The following TMCO5A variants were observed in gnomAD, a reference collection of about 807,000 sequenced individuals.
The protein encoded by TMCO5A is transmembrane and coiled-coil domain-containing protein 5A.
TMCO5A carries 34 observed loss-of-function variants against 42.3 expected under a neutral mutation model. That is an observed-to-expected ratio of 0.80 (90% CI 0.61 to 1.07). TMCO5A has a LOEUF of 1.07. Among genes scored for constraint, TMCO5A ranks in the 50% least tolerant of loss-of-function variants. The pLI, the probability that TMCO5A is intolerant of heterozygous loss-of-function variation, is 0.00. For missense variants in TMCO5A, 357 were observed against 327.9 expected (o/e 1.09, Z -0.69); for synonymous variants, 131 against 115.6 (o/e 1.13, Z -0.86).
At chr15:37,995,665 C>G in the TMCO5A span, among the ~76,000 whole-genome samples, 2 of 152,186 alleles carry the variant, frequency 1.3e-5, no homozygotes, top group Non-Finnish European at 2.9e-5. Context: ...GCAGTTCAGT[C>G]AGTCATTTTG....
At chr15:38,010,433 A>T in the TMCO5A span, among the ~76,000 whole-genome samples, 39 of 147,868 alleles carry the variant, frequency 2.6e-4, no homozygotes, top group Middle Eastern at 3.5e-3. Context: ...GATCACACAC[A>T]CACACACACA....
At chr15:37,985,640 T>C in the TMCO5A span, among the ~76,000 whole-genome samples, 1 of 152,202 alleles carries the variant, frequency 6.6e-6, no homozygotes, top group Non-Finnish European at 1.5e-5. Context: ...CAGAGAACCA[T>C]GAAAACAAAT....
At chr15:37,942,499 A>G in intron 9 of TMCO5A, 1 of 418,678 alleles carries the variant, frequency 2.4e-6, no homozygotes, top group Non-Finnish European at 4.3e-6. Context: ...TTATCACATT[A>G]TCACATTATT....
At chr15:37,983,816 C>A in the TMCO5A span, among the ~76,000 whole-genome samples, 8 of 151,658 alleles carry the variant, frequency 5.3e-5, no homozygotes, top group African/African-American at 1.9e-4. Context: ...CCTCCGCTTC[C>A]CAGATTCAAG....
the TMCO5A span, among the ~76,000 whole-genome samples, chr15:37,973,731 C>T: frequency 6.6e-6 from 1 of 152,290 alleles, no homozygotes; most frequent in Non-Finnish European, 1.5e-5. Context: ...GTTTGACTTC[C>T]TCTCTTCCTA....
At chr15:38,012,126 A>AAAAAAAAAAAAAG in the TMCO5A span, among the ~76,000 whole-genome samples, 1 of 150,390 alleles carries the variant, frequency 6.6e-6, no homozygotes, top group African/African-American at 2.4e-5. Context: ...TCCGTCTCAA[A>AAAAAAAAAAAAAG]AAAAAAAGAA....
At chr15:37,937,610 G>A (rs61200068) in intron 5 of TMCO5A, among the ~76,000 whole-genome samples, 2,923 of 152,142 alleles carry the variant, frequency 0.019, 105 homozygotes, top group African/African-American at 0.068. Context: ...AGGAATGGAT[G>A]GAATATTTAG....
the TMCO5A span, among the ~76,000 whole-genome samples, chr15:38,022,349 T>A: frequency 3.9e-5 from 6 of 152,140 alleles, no homozygotes; most frequent in Non-Finnish European, 5.9e-5. Context: ...AGAAAAGACA[T>A]GGAGGAAACC....
the TMCO5A span, among the ~76,000 whole-genome samples, chr15:38,028,436 C>T: frequency 6.6e-6 from 1 of 152,182 alleles, no homozygotes; most frequent in Non-Finnish European, 1.5e-5. Context: ...TCTCAAGGCT[C>T]ATTATATGGC....
At chr15:37,936,133 C>T (rs765552900) in intron 2 of TMCO5A, 181 bp from the exon 3 acceptor site, 20 of 606,690 alleles carry the variant, frequency 3.3e-5, no homozygotes, top group Middle Eastern at 4.8e-4. Context: ...GACTGAGCTG[C>T]GAATTATCGA....
chr15:38,039,113 G>A, the TMCO5A span, among the ~76,000 whole-genome samples: 1 of 152,138 alleles, frequency 6.6e-6, no homozygotes, highest in Non-Finnish European at 1.5e-5. Context: ...TGGAAAAAAT[G>A]CAGGTTTTAA....
the TMCO5A span, among the ~76,000 whole-genome samples, chr15:38,030,723 A>C: frequency 1.3e-5 from 2 of 152,166 alleles, no homozygotes; most frequent in East Asian, 3.9e-4. Context: ...AGAAATGTTG[A>C]ACTACTTGCA....
rs989677154 is a variant in TMCO5A, at chr15:37,941,324, G to T, written c.444+119G>T. On this transcript the variant is annotated intron_variant, in intron 7 of 11. Coordinates refer to ENST00000319669, the MANE Select transcript of TMCO5A (RefSeq NM_152453.4). ...AGGTTCCAGATCCAAGACCATGATG[G>T]GGCTAGGGAGGGGTAAAGAAAAGGA... 9.2e-6 allele frequency: 9 copies of T among 978,262 alleles called. No homozygotes were observed. In the Admixed American group the frequency reaches 2.0e-4, roughly 22 times the overall value. 60.6% of individuals were successfully genotyped at this position (978,262 alleles called of 1,614,324 possible).
chr15:37,944,913 G>A (rs979880711), intron 10 of TMCO5A, among the ~76,000 whole-genome samples: 1 of 152,026 alleles, frequency 6.6e-6, no homozygotes, highest in East Asian at 1.9e-4. Flanking sequence ...GGATGTGCAG[G>A]TTTGTTACAT....
downstream of TMCO5A, among the ~76,000 whole-genome samples, chr15:37,972,701 C>T (rs564086985): frequency 3.3e-5 from 5 of 152,150 alleles, no homozygotes; most frequent in South Asian, 8.3e-4. Context: ...GGATATATAG[C>T]TTGCATATAT....
At chr15:38,011,163 C>G in the TMCO5A span, among the ~76,000 whole-genome samples, 1 of 152,190 alleles carries the variant, frequency 6.6e-6, no homozygotes, top group Non-Finnish European at 1.5e-5. Context: ...GTCTGTCCCT[C>G]AAGGTGTCTC....
At position 37,942,259 on chromosome 15, in the gene TMCO5A, A is replaced by T. The variant is rs377271682; in HGVS notation, c.569+4A>T. The T allele has an allele frequency of 8.1e-6, 13 of 1,612,284 alleles. No homozygotes were observed. The highest frequency in any genetic ancestry group is 1.1e-5 in the Non-Finnish European group (13 of 1,178,996). On this transcript the variant is annotated splice_donor_region_variant and intron_variant, in intron 9 of 11. Coordinates refer to ENST00000319669, the MANE Select transcript of TMCO5A (RefSeq NM_152453.4). ...CTCTGTTCCTTGAGAGAGAAGTGTG[A>T]GCTTTGGCAAAGGAACATCCTGGTT...
At chr15:38,027,712 G>A in the TMCO5A span, among the ~76,000 whole-genome samples, 1 of 152,128 alleles carries the variant, frequency 6.6e-6, no homozygotes, top group Non-Finnish European at 1.5e-5. Context: ...TAATCCCCAT[G>A]GTCAAGGGCA....
intron 4 of TMCO5A, 68 bp downstream of exon 4, chr15:37,937,038 A>C: frequency 3.1e-6 from 5 of 1,590,132 alleles, no homozygotes; most frequent in Non-Finnish European, 4.3e-6. Context: ...ATCAATTATC[A>C]GATAAGCTTG....
Sources: allele counts gnomAD v4.1 joint callset (sites outside exome capture counted in the v4.1 genomes callset), GRCh38; gene constraint gnomAD v4.1.1; transcripts MANE v1.5; gene names NCBI Gene and HGNC (gene_info 2026-07-23, HGNC 2026-07-21).